The following ATP9A variants were observed in gnomAD, a reference collection of about 807,000 sequenced individuals.
ATP9A encodes the protein probable phospholipid-transporting ATPase IIA.
ATP9A carries 52 observed loss-of-function variants against 144.1 expected under a neutral mutation model. The ratio of observed to expected loss-of-function variants is 0.36; its 90% CI spans 0.29 to 0.45. ATP9A has a LOEUF of 0.45. Among genes scored for constraint, ATP9A ranks in the 20% least tolerant of loss-of-function variants. The pLI is 1.00. For missense variants in ATP9A, 947 were observed against 1,392.7 expected, an observed-to-expected ratio of 0.68 and a Z score of 5.09; for synonymous variants, 582 against 557.4, an observed-to-expected ratio of 1.04 and a Z score of -0.62.
At chr20:51,684,467 C>A (rs1448545153) in intron 9 of ATP9A, among the ~76,000 whole-genome samples, 1 of 151,562 alleles carries the variant, frequency 6.6e-6, no homozygotes, top group East Asian at 1.9e-4. Flanking sequence ...GAGGCTGAGG[C>A]GGGTGGATCA....
intron 9 of ATP9A, among the ~76,000 whole-genome samples, chr20:51,688,491 C>CT (rs2122813877): frequency 6.6e-6 from 1 of 152,156 alleles, no homozygotes; most frequent in African/African-American, 2.4e-5. Context: ...ACTTGGGAGA[C>CT]TGAGACACAA....
chr20:51,661,492 T>C (rs1378475015), intron 13 of ATP9A, among the ~76,000 whole-genome samples: 1 of 150,078 alleles, frequency 6.7e-6, no homozygotes, highest in Non-Finnish European at 1.5e-5. Context: ...GCCTTCTGAA[T>C]ACCGGGACCA....
intron 1 of ATP9A, among the ~76,000 whole-genome samples, chr20:51,730,818 T>C (rs1452078942): frequency 2.6e-5 from 4 of 152,300 alleles, no homozygotes; most frequent in East Asian, 1.9e-4. Flanking sequence ...GCCACTGTTA[T>C]ATATGTGGTC....
chr20:51,646,556 G>A (rs1217073822), intron 14 of ATP9A, among the ~76,000 whole-genome samples: 1 of 152,166 alleles, frequency 6.6e-6, no homozygotes, highest in Non-Finnish European at 1.5e-5. Context: ...TTCAAATGCC[G>A]ACAGGCGTTG....
At chr20:51,651,692 G>A (rs994037309) in intron 14 of ATP9A, among the ~76,000 whole-genome samples, 2 of 152,082 alleles carry the variant, frequency 1.3e-5, no homozygotes, top group Non-Finnish European at 2.9e-5. Context: ...ACTTTGGGAG[G>A]CTGAGGTGAG....
intron 26 of ATP9A, among the ~76,000 whole-genome samples, chr20:51,605,714 A>C (rs1601050631): frequency 6.6e-6 from 1 of 151,874 alleles, no homozygotes; most frequent in African/African-American, 2.4e-5. Context: ...GGAGTTCAAG[A>C]CCAGACTAGC....
At position 51,674,290 on chromosome 20, in the gene ATP9A, C is replaced by A. The variant is rs766838866; in HGVS notation, c.900G>T (p.Val300=). 1 of 1,613,530 alleles carries A rather than the reference C, an allele frequency of 6.2e-7. No homozygotes were observed. The highest frequency in any genetic ancestry group is 2.2e-5 in the East Asian group (1 of 44,836). The part of the protein sequence containing the change: ...RSKIGLFDLE[V]NCLTKILFGA... Reference sequence around the variant, plus strand: ...CAAAGAGGATCTTGGTGAGGCAGTTCACTTCCAAGTCGAACAGGCCGATCT... The same window carrying A: ...CAAAGAGGATCTTGGTGAGGCAGTTAACTTCCAAGTCGAACAGGCCGATCT... The change falls in exon 11 of 28, where the codon GTG becomes GTT. Residue 300 remains valine, a synonymous_variant. Coordinates refer to ENST00000338821, the MANE Select transcript of ATP9A (RefSeq NM_006045.3).
chr20:51,653,403 G>A (rs1051203307), intron 14 of ATP9A, among the ~76,000 whole-genome samples: 5 of 152,060 alleles, frequency 3.3e-5, no homozygotes, highest in Non-Finnish European at 7.4e-5. Context: ...AGTGGGCAAC[G>A]GGCATTAAAG....
At chr20:51,643,468 GT>G in intron 14 of ATP9A, among the ~76,000 whole-genome samples, 1 of 152,132 alleles carries the variant, frequency 6.6e-6, no homozygotes, top group Non-Finnish European at 1.5e-5. Context: ...CCTCTGGGAG[GT>G]GATTAAGTCC....
intron 22 of ATP9A, among the ~76,000 whole-genome samples, chr20:51,616,193 G>C (rs2077202256): frequency 6.6e-6 from 1 of 152,142 alleles, no homozygotes; most frequent in Admixed American, 6.5e-5. Context: ...GAACCAGAAA[G>C]GGTGGTAAAG....
At chr20:51,767,189 G>A (rs1321437481) in intron 1 of ATP9A, among the ~76,000 whole-genome samples, 2 of 151,890 alleles carry the variant, frequency 1.3e-5, no homozygotes, top group East Asian at 3.9e-4. Flanking sequence ...GCCGCCACCG[G>A]GAAATGCCCA....
At chr20:51,618,895 G>A (rs549070689) in intron 20 of ATP9A, 59 bp downstream of exon 20, 17 of 1,600,558 alleles carry the variant, frequency 1.1e-5, no homozygotes, top group Middle Eastern at 1.7e-4. Context: ...TGCCCCTGCC[G>A]AAGCCGGGTA....
chr20:51,687,168 G>A (rs1198404682), intron 9 of ATP9A, among the ~76,000 whole-genome samples: 1 of 151,938 alleles, frequency 6.6e-6, no homozygotes, highest in Non-Finnish European at 1.5e-5. Context: ...GGATGTGAAC[G>A]TCTGCATGCT....
intron 18 of ATP9A, among the ~76,000 whole-genome samples, chr20:51,622,605 A>G (rs2122725581): frequency 6.6e-6 from 1 of 152,248 alleles, no homozygotes; most frequent in East Asian, 1.9e-4. Flanking sequence ...AGCAAGACAG[A>G]CCCTTCTGGG....
At chr20:51,667,947 T>C (rs571341574) in intron 13 of ATP9A, among the ~76,000 whole-genome samples, 4 of 150,466 alleles carry the variant, frequency 2.7e-5, no homozygotes, top group Non-Finnish European at 5.9e-5. Context: ...TGCACACTTG[T>C]AGTCCGAGCT....
At chr20:51,701,655 C>T (rs2077593602) in intron 4 of ATP9A, among the ~76,000 whole-genome samples, 1 of 152,200 alleles carries the variant, frequency 6.6e-6, no homozygotes, top group Non-Finnish European at 1.5e-5. Flanking sequence ...TCTTGCTCCA[C>T]CTCTAAGGGA....
At chr20:51,638,071 T>TATATATATATATATATATATATATA (rs58144454) in intron 15 of ATP9A, among the ~76,000 whole-genome samples, 1 of 34,164 alleles carries the variant, frequency 2.9e-5, no homozygotes, top group Non-Finnish European at 5.8e-5. Flanking sequence ...TTTCATCATT[T>TATATATATATATATATATATATATA]TATATATATA....
At chr20:51,623,607 C>A (rs959003794) in intron 18 of ATP9A, among the ~76,000 whole-genome samples, 3 of 151,880 alleles carry the variant, frequency 2.0e-5, no homozygotes, top group African/African-American at 4.8e-5. Flanking sequence ...ATGGAGAAAA[C>A]CCATCTCTAC....
In ATP9A at chr20:51,697,400, C is replaced by A. The variant is rs369134579; in HGVS notation, c.495+24G>T. 4 of 1,611,140 alleles carry A rather than the reference C, an allele frequency of 2.5e-6. No individual in the cohort carries two copies. The African/African-American group carries it at 4.0e-5, about 16-fold the overall frequency. On this transcript the variant is annotated intron_variant, in intron 5 of 27. Coordinates refer to ENST00000338821, the MANE Select transcript of ATP9A (RefSeq NM_006045.3). Reference sequence around the variant, plus strand: ...TAGGACCCATGAAGTGGTATCCACACACAAGCTTCCAGATTCTGCTCACCT... The same window carrying A: ...TAGGACCCATGAAGTGGTATCCACAAACAAGCTTCCAGATTCTGCTCACCT...
Sources: allele counts gnomAD v4.1 joint callset (sites outside exome capture counted in the v4.1 genomes callset), GRCh38; gene constraint gnomAD v4.1.1; transcripts MANE v1.5; gene names NCBI Gene and HGNC (gene_info 2026-07-23, HGNC 2026-07-21).